The following SH3BP4 variants were observed in gnomAD, a reference collection of about 807,000 sequenced individuals.
SH3BP4 encodes SH3 domain binding protein 4.
Under a neutral mutation model 65.5 loss-of-function variants are expected in SH3BP4, and 33 were observed. The ratio of observed to expected loss-of-function variants is 0.50; its 90% CI spans 0.38 to 0.67. SH3BP4 has a LOEUF of 0.67. Among genes scored for constraint, SH3BP4 ranks in the 30% least tolerant of loss-of-function variants. The probability of loss-of-function intolerance (pLI) is 0.00; values close to 1 mark genes in which losing one functional copy is unlikely to be tolerated. For missense variants in SH3BP4, 1,134 were observed against 1,261.4 expected, an observed-to-expected ratio of 0.90 and a Z score of 1.53; for synonymous variants, 552 against 545.5, an observed-to-expected ratio of 1.01 and a Z score of -0.17.
At chr2:234,993,942 T>C (rs1485676420) in intron 1 of SH3BP4, among the ~76,000 whole-genome samples, 1 of 152,192 alleles carries the variant, frequency 6.6e-6, no homozygotes, top group Non-Finnish European at 1.5e-5. Context: ...TTTTGTCTTC[T>C]CTGGTTTCAG....
At chr2:234,962,097 A>G (rs1230919064) in intron 1 of SH3BP4, among the ~76,000 whole-genome samples, 2 of 152,178 alleles carry the variant, frequency 1.3e-5, no homozygotes, top group East Asian at 1.9e-4. Context: ...CTTTGTAGAC[A>G]TATGAGTTGT....
In SH3BP4 at chr2:235,038,312, T is replaced by TACTA. The variant is rs1491342675; in HGVS notation, c.119-2576_119-2575insACTA. ...ATAATATATATATTATATATATATATTATATATTATATATATATTATATAT... is the reference window on the plus strand; with the variant it reads ...ATAATATATATATTATATATATATATACTATATATATTATATATATATTATATAT... On this transcript the variant is annotated intron_variant, in intron 3 of 5. Coordinates refer to ENST00000392011, the MANE Select transcript of SH3BP4 (RefSeq NM_014521.3). 8.5e-3 allele frequency among the ~76,000 whole-genome samples: 87 copies of TACTA among 10,256 alleles called. 2 individuals carry two copies. Among genetic ancestry groups the TACTA allele is most frequent in the African/African-American group, 0.044 (84 of 1,916 alleles). 6.7% of individuals were successfully genotyped at this position (10,256 alleles called of 152,430 possible). A position where few individuals can be genotyped will look rare whatever the true frequency, so the allele number is the denominator to read the frequency against.
rs1435536127 is a variant in SH3BP4, at chr2:235,038,378, T to C, written c.119-2510T>C. Reference sequence around the variant, plus strand: ...TATATATATATATAATATATATACATATATATATATATATATATATATATA... The same window carrying C: ...TATATATATATATAATATATATACACATATATATATATATATATATATATA... On this transcript the variant is annotated intron_variant, in intron 3 of 5. Coordinates refer to ENST00000392011, the MANE Select transcript of SH3BP4 (RefSeq NM_014521.3). Among the ~76,000 whole-genome samples, 22 of 22,746 alleles carry C rather than the reference T, an allele frequency of 9.7e-4. 1 individual carries two copies. Among genetic ancestry groups the C allele is most frequent in the African/African-American group, 5.0e-3 (20 of 4,034 alleles). 14.9% of individuals were successfully genotyped at this position (22,746 alleles called of 152,430 possible).
chr2:235,053,962 G>T lies in SH3BP4; in HGVS notation c.*146G>T. On this transcript the variant is annotated 3_prime_UTR_variant, in exon 6 of 6. Coordinates refer to ENST00000392011, the MANE Select transcript of SH3BP4 (RefSeq NM_014521.3). ...GCCAGCTAGGCTACACCCATCATGCGCCGCCCTCCTCCATCGAGGGAGAGG... is the reference window on the plus strand; with the variant it reads ...GCCAGCTAGGCTACACCCATCATGCTCCGCCCTCCTCCATCGAGGGAGAGG... 1.6e-6 allele frequency: 1 copy of T among 633,994 alleles called. No homozygotes were observed. The highest frequency in any genetic ancestry group is 2.8e-6 in the Non-Finnish European group (1 of 363,082). The allele number at this position is 633,994 out of a possible 1,614,324, so 39.3% of individuals were successfully genotyped here.
intron 1 of SH3BP4, among the ~76,000 whole-genome samples, chr2:234,987,349 C>T (rs533817585): frequency 1.3e-5 from 2 of 152,224 alleles, no homozygotes; most frequent in East Asian, 1.9e-4. Context: ...GACAGGGTCC[C>T]TGCCCTCAAC....
intron 4 of SH3BP4, among the ~76,000 whole-genome samples, chr2:235,047,959 C>A (rs956895034): frequency 1.3e-5 from 2 of 152,076 alleles, no homozygotes; most frequent in African/African-American, 4.8e-5. Flanking sequence ...GGAATAAACC[C>A]AAAGAGACTT....
chr2:234,975,064 G>A (rs554728717), intron 1 of SH3BP4, among the ~76,000 whole-genome samples: 5 of 152,352 alleles, frequency 3.3e-5, no homozygotes, highest in African/African-American at 1.2e-4. Flanking sequence ...ACAGGGGAAG[G>A]TTGGCTTGCG....
chr2:235,050,240 T>G (rs1574852737), intron 4 of SH3BP4, among the ~76,000 whole-genome samples: 1 of 152,206 alleles, frequency 6.6e-6, no homozygotes, highest in Non-Finnish European at 1.5e-5. Context: ...CTCAGCCTCC[T>G]GAGTAGCTGG....
chr2:235,050,755 G>A (rs138716615), intron 4 of SH3BP4, among the ~76,000 whole-genome samples: 197 of 152,090 alleles, frequency 1.3e-3, no homozygotes, highest in African/African-American at 4.6e-3. Context: ...CAGCCCAGCC[G>A]ACCGCATGAG....
rs927332015 is a variant in SH3BP4 at position 234,996,797 on chromosome 2, C to T, written c.-133+1421C>T. Among the ~76,000 whole-genome samples the T allele has an allele frequency of 3.9e-5, 6 of 152,224 alleles. No homozygotes were observed. In the East Asian group the frequency reaches 7.7e-4, roughly 20 times the overall value. ...GTTGTGCGGCATGGTTCTCTTTGGG[C>T]CCCCACATGGACTGGCCTCGCTGGA... On this transcript the variant is annotated intron_variant, in intron 2 of 5. Coordinates refer to ENST00000392011, the MANE Select transcript of SH3BP4 (RefSeq NM_014521.3).
chr2:235,030,360 G>T lies in SH3BP4; in HGVS notation c.-132-4511G>T, dbSNP rs1329445510. ...TTGGCTGCGTTACCCTGGGCAAGTT[G>T]CTTTAGTGATCTCTCCAAGCCCGTT... is the stretch of plus-strand genomic sequence containing the variant. On this transcript the variant is annotated intron_variant, in intron 2 of 5. Coordinates refer to ENST00000392011, the MANE Select transcript of SH3BP4 (RefSeq NM_014521.3). The surrounding 1 kb of genome is among the most constrained non-coding windows in gnomAD (Gnocchi z 4.1). 2.0e-5 allele frequency among the ~76,000 whole-genome samples: 3 copies of T among 152,156 alleles called. No individual in the cohort carries two copies. Among genetic ancestry groups the T allele is most frequent in the African/African-American group, 7.2e-5 (3 of 41,434 alleles).
At chr2:235,051,753 G>A (rs1259289609) in intron 4 of SH3BP4, among the ~76,000 whole-genome samples, 1 of 152,042 alleles carries the variant, frequency 6.6e-6, no homozygotes, top group Admixed American at 6.6e-5. Context: ...GAGTCCCCCA[G>A]CCTTCTACCC....
intron 2 of SH3BP4, among the ~76,000 whole-genome samples, chr2:235,007,791 G>C (rs1694345680): frequency 6.6e-6 from 1 of 152,214 alleles, no homozygotes; most frequent in African/African-American, 2.4e-5. Context: ...TAGTGCTGAG[G>C]AGGCAGGGTA....
chr2:234,984,990 A>G (rs73124247), intron 1 of SH3BP4, among the ~76,000 whole-genome samples: 1,945 of 152,178 alleles, frequency 0.013, 45 homozygotes, highest in African/African-American at 0.041. Context: ...ATGCCCTAGA[A>G]TTGTCTTTCT....
intron 1 of SH3BP4, among the ~76,000 whole-genome samples, chr2:234,970,448 A>T (rs909338364): frequency 3.3e-5 from 5 of 152,216 alleles, no homozygotes; most frequent in African/African-American, 1.2e-4. Context: ...CCCAACTGGG[A>T]TTGAAAATGA....
In SH3BP4 at chr2:234,978,503, G is replaced by A. The variant is rs1280123111; in HGVS notation, c.-206-16800G>A. Among the ~76,000 whole-genome samples, 1 of 152,202 alleles carries A rather than the reference G, an allele frequency of 6.6e-6. No homozygotes were observed. The highest frequency in any genetic ancestry group is 2.1e-4 in the South Asian group (1 of 4,830). On this transcript the variant is annotated intron_variant, in intron 1 of 5. Transcript: ENST00000392011. This position sits in a 1 kb window ranked among gnomAD's most constrained non-coding sequence, Gnocchi z 4.1. ...GTCCAGCACTCTGTGCTCGCTGACT[G>A]GTGCGGTGAACTCTCCGGCTGGGCT...
intron 2 of SH3BP4, among the ~76,000 whole-genome samples, chr2:235,032,906 C>T (rs532950549): frequency 1.3e-5 from 2 of 152,288 alleles, no homozygotes; most frequent in South Asian, 2.1e-4. Context: ...CAGACCTGAC[C>T]GTCGTAACTT....
intron 4 of SH3BP4, among the ~76,000 whole-genome samples, chr2:235,043,812 C>G (rs1352382893): frequency 2.0e-5 from 3 of 152,266 alleles, no homozygotes; most frequent in African/African-American, 7.2e-5. Flanking sequence ...TGTCCCGCTG[C>G]CTGGGATATA....
At chr2:235,020,349 T>C (rs1694815612) in intron 2 of SH3BP4, among the ~76,000 whole-genome samples, 1 of 151,980 alleles carries the variant, frequency 6.6e-6, no homozygotes. Context: ...ATACAAAAAT[T>C]AGCCAGGCGT....
Sources: allele counts gnomAD v4.1 joint callset (sites outside exome capture counted in the v4.1 genomes callset), GRCh38; gene constraint gnomAD v4.1.1; non-coding constraint Gnocchi (gnomAD v3.1); transcripts MANE v1.5; gene names NCBI Gene and HGNC (gene_info 2026-07-23, HGNC 2026-07-21).